Variants in RINT1 observed in about 807,000 individuals in gnomAD.
RINT1 encodes RAD50 interactor 1.
Under a neutral mutation model 97.7 loss-of-function variants are expected in RINT1, and 75 were observed. That is an observed-to-expected ratio of 0.77 (90% confidence interval 0.64 to 0.93). The LOEUF is 0.93. Ranked by LOEUF, RINT1 falls within the 40% of genes least tolerant of loss-of-function variation. RINT1 has a pLI of 0.00. For missense variants in RINT1, 892 were observed against 925.2 expected (o/e 0.96, Z 0.47); for synonymous variants, 303 against 326.3 (o/e 0.93, Z 0.77).
chr7:105,555,024 A>G lies in RINT1; in HGVS notation c.1472-4A>G, dbSNP rs1791114719. The G allele has an allele frequency of 1.2e-6, 2 of 1,611,964 alleles. No individual in the cohort carries two copies. Among genetic ancestry groups the G allele is most frequent in the Non-Finnish European group, 1.7e-6 (2 of 1,179,248 alleles). On this transcript the variant is annotated splice_polypyrimidine_tract_variant and splice_region_variant and intron_variant, in intron 10 of 14. Coordinates refer to ENST00000257700, the MANE Select transcript of RINT1 (RefSeq NM_021930.6). ...TTCATATGTCTTAATAACTTTTTCC[A>G]CAGACAGGTATAAAAATCTTCCCAC...
At chr7:105,559,540 C>CAAA (rs60718751) in intron 11 of RINT1, among the ~76,000 whole-genome samples, 20 of 59,034 alleles carry the variant, frequency 3.4e-4, no homozygotes, top group East Asian at 1.4e-3. Context: ...GACTCTGTCT[C>CAAA]AAAAAAAAAA....
chr7:105,550,252 T>G lies in RINT1; in HGVS notation c.1108-9T>G, dbSNP rs1000460642. ...TATTTACATACCTCATGTTTGTGTATTTTTTTAGCTTGAATTTTCTCGGGG... is the reference window on the plus strand; with the variant it reads ...TATTTACATACCTCATGTTTGTGTAGTTTTTTAGCTTGAATTTTCTCGGGG... On this transcript the variant is annotated splice_polypyrimidine_tract_variant and intron_variant, in intron 8 of 14. Transcript: ENST00000257700. 49 of 1,612,258 alleles carry G rather than the reference T, an allele frequency of 3.0e-5. No individual in the cohort carries two copies. Among genetic ancestry groups the G allele is most frequent in the Non-Finnish European group, 4.1e-5 (48 of 1,178,526 alleles).
chr7:105,563,628 G>C, intron 11 of RINT1, 105 bp from the exon 12 acceptor site: 1 of 960,480 alleles, frequency 1.0e-6, no homozygotes, highest in Non-Finnish European at 1.6e-6. Context: ...CACCGTGCCC[G>C]GTCGAATTAT....
chr7:105,547,572 A>G (rs1790722243), intron 6 of RINT1, among the ~76,000 whole-genome samples: 1 of 152,158 alleles, frequency 6.6e-6, no homozygotes, highest in Non-Finnish European at 1.5e-5. Context: ...TCATAGCACA[A>G]AAAGGTCTCT....
chr7:105,553,312 G>A (rs536824768), intron 10 of RINT1, among the ~76,000 whole-genome samples: 5 of 151,306 alleles, frequency 3.3e-5, no homozygotes, highest in Admixed American at 6.6e-5. Context: ...TGCAACCTCC[G>A]CCTCCTGGGT....
In RINT1 at chr7:105,550,423, A is replaced by G; in HGVS notation, c.1270A>G (p.Ser424Gly). The change falls in exon 9 of 15, where the codon AGT becomes GGT. Residue 424 changes from serine to glycine, a missense_variant. Transcript: ENST00000257700. ...SVHGYPGTFA[S>G]CMHILSEETC... is the part of the protein sequence containing the mutation. Reference sequence around the variant, plus strand: ...TCATGGCTATCCTGGCACTTTTGCTAGTTGTATGCATATTCTATCAGAGGA... The same window carrying G: ...TCATGGCTATCCTGGCACTTTTGCTGGTTGTATGCATATTCTATCAGAGGA... 1 of 1,614,150 alleles carries G rather than the reference A, an allele frequency of 6.2e-7. No individual in the cohort carries two copies. Among genetic ancestry groups the G allele is most frequent in the Non-Finnish European group, 8.5e-7 (1 of 1,180,016 alleles).
At chr7:105,566,966 A>G (rs1209321053) in intron 14 of RINT1, 153 bp from the exon 15 acceptor site, 1 of 445,576 alleles carries the variant, frequency 2.2e-6, no homozygotes, top group East Asian at 3.4e-5. Context: ...TAGTCTTACC[A>G]TGTTAAAAGA....
chr7:105,551,629 A>G lies in RINT1; in HGVS notation c.1393A>G (p.Lys465Glu), dbSNP rs1327097161. Residue 465 changes from lysine (K) to glutamate (E), a missense_variant, in exon 10 of 15, where the codon AAG becomes GAG. Physicochemically the swap from Lys to Glu is moderately conservative, Grantham distance 56. Transcript: ENST00000257700. ...AGAAGCTGCCTGGGTATCGCAATAT[A>G]AGGATATCACTGACGTGGATGAAAT... ...SSEAAWVSQY[K>E]DITDVDEMKV... The G allele has an allele frequency of 2.5e-6, 4 of 1,611,924 alleles. No homozygotes were observed. The East Asian group carries it at 6.7e-5, about 27-fold the overall frequency.
chr7:105,550,273 C>T lies in RINT1; in HGVS notation c.1120C>T (p.Arg374Trp), dbSNP rs1269514574. The T allele has an allele frequency of 9.3e-6, 15 of 1,613,632 alleles. No homozygotes were observed. The highest frequency in any genetic ancestry group is 1.6e-4 in the Middle Eastern group (1 of 6,082). The change falls in exon 9 of 15, where the codon CGG (arginine) becomes TGG (tryptophan). Residue 374 changes from arginine to tryptophan, a missense_variant. Coordinates refer to ENST00000257700, the MANE Select transcript of RINT1 (RefSeq NM_021930.6). ...SLVNARLEFSRGLMMLVLEKL... is the reference protein window; with the variant it reads ...SLVNARLEFSWGLMMLVLEKL... ...TGTATTTTTTTAGCTTGAATTTTCT[C>T]GGGGCCTTATGATGCTGGTTCTTGA... is the stretch of plus-strand genomic sequence containing the variant.
rs369062595 is a variant in RINT1 at position 105,546,894 on chromosome 7, T to A, written c.516-16T>A. ...TGTCTCAAAAGAAAAAAAAATTTGC[T>A]TTACTTTGTTTACAGTGATAACATT... On this transcript the variant is annotated splice_polypyrimidine_tract_variant and intron_variant, in intron 4 of 14. Transcript: ENST00000257700. 1 of 1,571,820 alleles carries A rather than the reference T, an allele frequency of 6.4e-7. No homozygotes were observed. Among genetic ancestry groups the A allele is most frequent in the Non-Finnish European group, 8.6e-7 (1 of 1,162,984 alleles).
intron 6 of RINT1, among the ~76,000 whole-genome samples, chr7:105,547,873 G>A (rs960832923): frequency 8.6e-5 from 13 of 151,394 alleles, no homozygotes; most frequent in Admixed American, 6.6e-5. Context: ...GATTACAGGC[G>A]TGCACCACTA....
intron 7 of RINT1, among the ~76,000 whole-genome samples, chr7:105,549,763 A>G (rs764899233): frequency 1.3e-5 from 2 of 152,188 alleles, no homozygotes; most frequent in Admixed American, 6.6e-5. Context: ...TGTAATACTC[A>G]TCATTTTACA....
At chr7:105,565,826 C>G (rs1290026412) in intron 14 of RINT1, among the ~76,000 whole-genome samples, 178 bp downstream of exon 14, 1 of 152,158 alleles carries the variant, frequency 6.6e-6, no homozygotes, top group Non-Finnish European at 1.5e-5. Flanking sequence ...ATAGATGTGA[C>G]CCATGACCTC....
Position 105,563,893 on chromosome 7 carries a change from T to C in RINT1, c.1832T>C (p.Val611Ala). Residue 611 changes from valine to alanine, a missense_variant, in exon 12 of 15, where the codon GTA (valine) becomes GCA (alanine). Coordinates refer to ENST00000257700, the MANE Select transcript of RINT1 (RefSeq NM_021930.6). ...RLKHDMLTRQVDHVFREVKDA... is the reference protein window; with the variant it reads ...RLKHDMLTRQADHVFREVKDA... Reference sequence around the variant, plus strand: ...AAGCATGATATGTTGACCCGTCAAGTAGACCACGTTTTTAGAGAAGTTAAA... The same window carrying C: ...AAGCATGATATGTTGACCCGTCAAGCAGACCACGTTTTTAGAGAAGTTAAA... The C allele has an allele frequency of 1.2e-6, 2 of 1,614,150 alleles. No homozygotes were observed. Among genetic ancestry groups the C allele is most frequent in the Non-Finnish European group, 1.7e-6 (2 of 1,180,034 alleles).
intron 11 of RINT1, among the ~76,000 whole-genome samples, chr7:105,562,882 G>A (rs1291349313): frequency 6.6e-6 from 1 of 152,110 alleles, no homozygotes; most frequent in African/African-American, 2.4e-5. Flanking sequence ...CAGCCTGGGT[G>A]ACAGAGCGAG....
At chr7:105,535,153 C>T (rs1251666845) in intron 2 of RINT1, among the ~76,000 whole-genome samples, 1 of 151,082 alleles carries the variant, frequency 6.6e-6, no homozygotes, top group Non-Finnish European at 1.5e-5. Flanking sequence ...AATTTGTTCT[C>T]TCATATTTTC....
chr7:105,538,009 T>C (rs1350813209), intron 3 of RINT1, among the ~76,000 whole-genome samples: 2 of 152,004 alleles, frequency 1.3e-5, no homozygotes, highest in East Asian at 1.9e-4. Context: ...TTCTTTTTTT[T>C]TGAGACGGAG....
chr7:105,542,485 T>C lies in RINT1; in HGVS notation c.351T>C (p.Leu117=), dbSNP rs1790498292. 2 of 1,614,016 alleles carry C rather than the reference T, an allele frequency of 1.2e-6. No individual in the cohort carries two copies. Among genetic ancestry groups the C allele is most frequent in the African/African-American group, 2.7e-5 (2 of 75,052 alleles). Residue 117 remains leucine (L), a synonymous_variant, in exon 4 of 15, where the codon CTT becomes CTC. Coordinates refer to ENST00000257700, the MANE Select transcript of RINT1 (RefSeq NM_021930.6). ...ATGCAGAAGAATCAAAGCAATTTCT[T>C]AATCAGTTTCTGGAGCAGGAAACTC... ...LKNAEESKQF[L]NQFLEQETHL...
intron 3 of RINT1, among the ~76,000 whole-genome samples, chr7:105,541,429 G>C (rs62486992): frequency 0.079 from 11,997 of 151,876 alleles, 515 homozygotes; most frequent in East Asian, 0.12. Flanking sequence ...GAGCCACCGT[G>C]CCCGGCCCTT....
Sources: allele counts gnomAD v4.1 joint callset (sites outside exome capture counted in the v4.1 genomes callset), GRCh38; gene constraint gnomAD v4.1.1; transcripts MANE v1.5; gene names NCBI Gene and HGNC (gene_info 2026-07-23, HGNC 2026-07-21).